PDIA3: variants seen among roughly 807,000 people sequenced by gnomAD.
PDIA3 encodes the protein protein disulfide-isomerase A3.
A neutral mutation model predicts 56.9 loss-of-function variants in PDIA3; 16 were observed. The ratio of observed to expected loss-of-function variants is 0.28; its 90% CI spans 0.19 to 0.43. The LOEUF is 0.43. Among genes scored for constraint, PDIA3 ranks in the 20% least tolerant of loss-of-function variants. The pLI is 1.00. For missense variants in PDIA3, 485 were observed against 621.3 expected, an observed-to-expected ratio of 0.78 and a Z score of 2.33; for synonymous variants, 192 against 216.5, an observed-to-expected ratio of 0.89 and a Z score of 0.99.
chr15:43,766,927 G>A lies in PDIA3; in HGVS notation c.1028+17G>A. The A allele has an allele frequency of 6.2e-7, 1 of 1,611,642 alleles. No homozygotes were observed. Among genetic ancestry groups the A allele is most frequent in the South Asian group, 1.1e-5 (1 of 90,946 alleles). On this transcript the variant is annotated intron_variant, in intron 8 of 12. Coordinates refer to ENST00000300289, the MANE Select transcript of PDIA3 (RefSeq NM_005313.5). ...GGAGTTCTCGTGAGTTGCTAGTTGG[G>A]CTTTGATTCTCCAAGGCAATTATTA...
At chr15:43,749,081 T>G (rs888599872) in intron 1 of PDIA3, among the ~76,000 whole-genome samples, 8 of 151,472 alleles carry the variant, frequency 5.3e-5, no homozygotes, top group African/African-American at 1.7e-4. Context: ...TGTTTTTTTG[T>G]TTTTGTTTTG....
At chr15:43,748,029 G>A (rs1468918768) in intron 1 of PDIA3, among the ~76,000 whole-genome samples, 1 of 152,178 alleles carries the variant, frequency 6.6e-6, no homozygotes, top group African/African-American at 2.4e-5. Flanking sequence ...ATATAATCAT[G>A]CTGTTAGCTT....
chr15:43,766,988 A>G (rs996782387), intron 8 of PDIA3, 78 bp downstream of exon 8: 27 of 1,271,934 alleles, frequency 2.1e-5, no homozygotes, highest in African/African-American at 2.9e-5. Context: ...CTAAAGAACA[A>G]TAACCCTGGA....
chr15:43,762,018 C>A (rs1467010659), intron 4 of PDIA3, among the ~76,000 whole-genome samples: 2 of 152,096 alleles, frequency 1.3e-5, no homozygotes. Context: ...TAGGATTTAT[C>A]TTGTTTTTGC....
Position 43,773,121 on chromosome 15 carries a change from T to A in PDIA3, c.*1903T>A. 1.2e-6 allele frequency: 2 copies of A among 1,601,744 alleles called. No homozygotes were observed. The highest frequency in any genetic ancestry group is 1.7e-6 in the Non-Finnish European group (2 of 1,176,268). ...CAAAAATTCCCTTGATAACTTCAGCTGCCCCTGTTCTTTTCCTCAAACTCC... is the reference window on the plus strand; with the variant it reads ...CAAAAATTCCCTTGATAACTTCAGCAGCCCCTGTTCTTTTCCTCAAACTCC... On this transcript the variant is annotated 3_prime_UTR_variant, in exon 13 of 13. Transcript: ENST00000300289.
intron 1 of PDIA3, among the ~76,000 whole-genome samples, chr15:43,748,941 T>A (rs558627977): frequency 2.3e-4 from 35 of 149,996 alleles, no homozygotes; most frequent in African/African-American, 8.1e-4. Flanking sequence ...GCTAATTTTT[T>A]TGTATTTTTA....
intron 9 of PDIA3, 138 bp downstream of exon 9, chr15:43,768,735 G>T: frequency 1.6e-6 from 1 of 623,388 alleles, no homozygotes; most frequent in Non-Finnish European, 2.8e-6. Flanking sequence ...CATAAAATAA[G>T]CATTGGCAGG....
At chr15:43,750,924 G>A (rs2086739604) in intron 1 of PDIA3, among the ~76,000 whole-genome samples, 1 of 152,030 alleles carries the variant, frequency 6.6e-6, no homozygotes, top group African/African-American at 2.4e-5. Flanking sequence ...CGAGGTTCAG[G>A]AGTTTGAGAC....
intron 2 of PDIA3, 151 bp downstream of exon 2, chr15:43,754,053 C>T (rs1359846447): frequency 9.6e-6 from 6 of 622,636 alleles, no homozygotes; most frequent in East Asian, 5.6e-5. Flanking sequence ...CTAAGAAGAG[C>T]GAATACTAGT....
At chr15:43,754,941 C>T (rs559156738) in intron 2 of PDIA3, among the ~76,000 whole-genome samples, 13 of 150,108 alleles carry the variant, frequency 8.7e-5, no homozygotes, top group African/African-American at 2.5e-4. Context: ...GGCAATAGAG[C>T]GAAACCCTGT....
At position 43,746,528 on chromosome 15, in the gene PDIA3, C is replaced by A. The variant is rs546182170; in HGVS notation, c.-12C>A. 1 of 1,585,934 alleles carries A rather than the reference C, an allele frequency of 6.3e-7. No individual in the cohort carries two copies. Among genetic ancestry groups the A allele is most frequent in the South Asian group, 1.1e-5 (1 of 89,164 alleles). The stretch of plus-strand genomic sequence containing the variant: ...GCGACCCTTCCGGCCGTCCCCACCC[C>A]ACCTCGCCGCCATGCGCCTCCGCCG... On this transcript the variant is annotated 5_prime_UTR_variant, in exon 1 of 13. Coordinates refer to ENST00000300289, the MANE Select transcript of PDIA3 (RefSeq NM_005313.5).
chr15:43,754,037 A>C (rs2086761148), intron 2 of PDIA3, 135 bp downstream of exon 2: 1 of 665,816 alleles, frequency 1.5e-6, no homozygotes, highest in African/African-American at 1.8e-5. Context: ...CTCTACTCTT[A>C]TTCTGCTAAG....
At chr15:43,756,011 A>C (rs1263964775) in intron 2 of PDIA3, among the ~76,000 whole-genome samples, 4 of 152,208 alleles carry the variant, frequency 2.6e-5, no homozygotes, top group Non-Finnish European at 5.9e-5. Context: ...CTTAGAGCAT[A>C]AGGATCATAC....
At chr15:43,765,403 G>A (rs1218445708) in intron 5 of PDIA3, 47 bp from the exon 6 acceptor site, 2 of 1,050,118 alleles carry the variant, frequency 1.9e-6, no homozygotes, top group African/African-American at 1.6e-5. Flanking sequence ...ATGGGAGACA[G>A]TTCTTCTGCT....
chr15:43,768,349 T>C (rs1402264970), intron 8 of PDIA3, 140 bp from the exon 9 acceptor site: 1 of 597,060 alleles, frequency 1.7e-6, no homozygotes, highest in Non-Finnish European at 3.1e-6. Context: ...CAGTCGGTAG[T>C]TCTGCATATT....
At chr15:43,753,995 A>G in intron 2 of PDIA3, 93 bp downstream of exon 2, 1 of 843,190 alleles carries the variant, frequency 1.2e-6, no homozygotes, top group Non-Finnish European at 2.0e-6. Context: ...AAATAACAGT[A>G]ATAAATAGTT....
intron 1 of PDIA3, among the ~76,000 whole-genome samples, chr15:43,752,193 G>A (rs1166482609): frequency 6.6e-6 from 1 of 152,042 alleles, no homozygotes; most frequent in Non-Finnish European, 1.5e-5. Flanking sequence ...ATTCTTTTAC[G>A]TTTGCTCTAC....
chr15:43,758,486 G>A (rs890973635), intron 3 of PDIA3, among the ~76,000 whole-genome samples: 3 of 150,536 alleles, frequency 2.0e-5, no homozygotes, highest in South Asian at 2.1e-4. Context: ...TGGTGAAACC[G>A]TCTCTCTACT....
chr15:43,763,278 G>C (rs1318883639), intron 5 of PDIA3, 72 bp downstream of exon 5: 42 of 1,523,298 alleles, frequency 2.8e-5, no homozygotes, highest in Non-Finnish European at 3.7e-5. Context: ...ACTGGGACAA[G>C]GTTTCACTCT....
Sources: allele counts gnomAD v4.1 joint callset (sites outside exome capture counted in the v4.1 genomes callset), GRCh38; gene constraint gnomAD v4.1.1; transcripts MANE v1.5; gene names NCBI Gene and HGNC (gene_info 2026-07-23, HGNC 2026-07-21).